GABRG1: variants seen among roughly 807,000 people sequenced by gnomAD.
GABRG1 encodes gamma-aminobutyric acid type A receptor subunit gamma1.
In GABRG1, 49 loss-of-function variants were observed where a neutral mutation model predicts 49.8. That is an observed-to-expected ratio of 0.98 (90% CI 0.78 to 1.25). The LOEUF is 1.25. Among genes scored for constraint, GABRG1 ranks in the 50% most tolerant of loss-of-function variants. The pLI is 0.00. For synonymous variants in GABRG1, 232 were observed against 185.1 expected (o/e 1.25, Z -2.06); for missense variants, 552 against 552.3 (o/e 1.00, Z 0.01).
At chr4:46,045,002 G>A (rs932114857) in intron 8 of GABRG1, among the ~76,000 whole-genome samples, 2 of 152,010 alleles carry the variant, frequency 1.3e-5, no homozygotes, top group Non-Finnish European at 2.9e-5. Context: ...GCAAACACAC[G>A]TATGAAAGTA....
At chr4:46,078,552 T>G (rs953233491) in intron 3 of GABRG1, among the ~76,000 whole-genome samples, 1 of 151,948 alleles carries the variant, frequency 6.6e-6, no homozygotes, top group African/African-American at 2.4e-5. Flanking sequence ...ACCAATTGCA[T>G]GAACCACCCT....
chr4:46,041,038 C>T lies in GABRG1; in HGVS notation c.1348G>A (p.Ala450Thr), dbSNP rs751385625. Residue 450 changes from alanine to threonine, a missense_variant, in exon 9 of 9, where the codon GCT becomes ACT. Transcript: ENST00000295452. ...DSYSRIFFPT[A>T]FALFNLVYWV... is the part of the protein sequence containing the mutation. ...TAAACCAAGTTGAACAGGGCAAAAG[C>T]GGTTGGGAAAAATATTCTAGAATAA... is the stretch of plus-strand genomic sequence containing the variant. 2.1e-5 allele frequency: 34 copies of T among 1,612,656 alleles called. No homozygotes were observed. The East Asian group carries it at 5.6e-4, about 26-fold the overall frequency.
At chr4:46,047,129 T>G (rs2109394387) in intron 8 of GABRG1, among the ~76,000 whole-genome samples, 1 of 152,236 alleles carries the variant, frequency 6.6e-6, no homozygotes, top group South Asian at 2.1e-4. Context: ...TATTGAGCAC[T>G]TGAAATGCGA....
At position 46,041,211 on chromosome 4, in the gene GABRG1, T is replaced by C. The variant is rs372867336; in HGVS notation, c.1175A>G (p.Asn392Ser). ...ATCTTCTTGCGGCACAGAAATATTA[T>C]TCATTGGAATCAGAGTGGATCCAGG... Reference protein sequence around the residue: ...LHPGSTLIPMNNISVPQEDDY... With the variant: ...LHPGSTLIPMSNISVPQEDDY... The change falls in exon 9 of 9, where the codon AAT becomes AGT. Residue 392 changes from asparagine to serine, a missense_variant. Physicochemically the swap from Asn to Ser is conservative, Grantham distance 46. Coordinates refer to ENST00000295452, the MANE Select transcript of GABRG1 (RefSeq NM_173536.4). 1.1e-5 allele frequency: 17 copies of C among 1,612,676 alleles called. No individual in the cohort carries two copies. The African/African-American group carries it at 1.7e-4, about 16-fold the overall frequency.
chr4:46,060,231 C>A (rs1278273312), intron 5 of GABRG1, among the ~76,000 whole-genome samples: 1 of 150,126 alleles, frequency 6.7e-6, no homozygotes, highest in Non-Finnish European at 1.5e-5. Flanking sequence ...TCAGGGGCAA[C>A]CTCCCTTTTA....
intron 1 of GABRG1, among the ~76,000 whole-genome samples, chr4:46,114,149 A>G (rs1285602984): frequency 6.6e-6 from 1 of 151,096 alleles, no homozygotes; most frequent in Admixed American, 6.6e-5. Flanking sequence ...TTTTCACTGT[A>G]CAAAAGCTAT....
chr4:46,106,026 G>A (rs1560372726), intron 1 of GABRG1, among the ~76,000 whole-genome samples: 1 of 150,956 alleles, frequency 6.6e-6, no homozygotes, highest in African/African-American at 2.4e-5. Context: ...GCACATTTGA[G>A]TATGACCACC....
At chr4:46,060,301 C>T (rs752267507) in intron 5 of GABRG1, among the ~76,000 whole-genome samples, 1 of 151,588 alleles carries the variant, frequency 6.6e-6, no homozygotes, top group African/African-American at 2.4e-5. Context: ...TAATTCTTCA[C>T]GTGATCTCAA....
chr4:46,084,392 T>C (rs947773756), intron 2 of GABRG1, among the ~76,000 whole-genome samples: 1 of 151,680 alleles, frequency 6.6e-6, no homozygotes, highest in Non-Finnish European at 1.5e-5. Flanking sequence ...CGAGTACTTA[T>C]CACTCATAAT....
At chr4:46,113,511 G>C (rs1432358788) in intron 1 of GABRG1, among the ~76,000 whole-genome samples, 1 of 150,860 alleles carries the variant, frequency 6.6e-6, no homozygotes, top group African/African-American at 2.4e-5. Flanking sequence ...ATTTGGCGGG[G>C]GGGACATGAA....
At chr4:46,104,879 G>A (rs1430255520) in intron 1 of GABRG1, among the ~76,000 whole-genome samples, 1 of 151,346 alleles carries the variant, frequency 6.6e-6, no homozygotes, top group Non-Finnish European at 1.5e-5. Flanking sequence ...ATGGTAATGT[G>A]GGATTTGTAC....
chr4:46,123,325 C>T (rs1721151949), intron 1 of GABRG1, among the ~76,000 whole-genome samples: 1 of 152,034 alleles, frequency 6.6e-6, no homozygotes, highest in African/African-American at 2.4e-5. Flanking sequence ...TGATGTAAAA[C>T]ACTGGTTTGT....
intron 3 of GABRG1, among the ~76,000 whole-genome samples, chr4:46,075,422 C>T (rs1163201385): frequency 6.6e-6 from 1 of 151,978 alleles, no homozygotes; most frequent in African/African-American, 2.4e-5. Context: ...TTTTGAACTC[C>T]TGAGCTCAGG....
At chr4:46,082,472 C>T (rs1461526555) in intron 3 of GABRG1, among the ~76,000 whole-genome samples, 2 of 151,780 alleles carry the variant, frequency 1.3e-5, no homozygotes, top group African/African-American at 2.4e-5. Flanking sequence ...GACTACATCA[C>T]TATCCCTGCA....
At chr4:46,101,787 T>C (rs1720388345) in intron 1 of GABRG1, among the ~76,000 whole-genome samples, 1 of 151,688 alleles carries the variant, frequency 6.6e-6, no homozygotes, top group South Asian at 2.1e-4. Context: ...TACACATCTA[T>C]TGCTTGTTAA....
chr4:46,066,045 A>G (rs1172253878), intron 3 of GABRG1, among the ~76,000 whole-genome samples: 2 of 152,108 alleles, frequency 1.3e-5, no homozygotes, highest in Non-Finnish European at 2.9e-5. Flanking sequence ...TGTTTGCATG[A>G]GTCATGTAAA....
Position 46,058,275 on chromosome 4 carries a change from A to T in GABRG1, c.858T>A (p.Val286=), listed in dbSNP as rs1209432393. ...QTYIPCILTV[V]LSWVSFWINK... is the part of the protein sequence containing the mutation. ...TGATCCAAAAAGACACCCAAGAAAG[A>T]ACAACTGTCAGAATGCATGGAATGT... The change falls in exon 7 of 9, where the codon GTT becomes GTA. Residue 286 remains valine (V), a synonymous_variant. Coordinates refer to ENST00000295452, the MANE Select transcript of GABRG1 (RefSeq NM_173536.4). The T allele has an allele frequency of 6.2e-7, 1 of 1,613,338 alleles. No homozygotes were observed. The highest frequency in any genetic ancestry group is 2.2e-5 in the East Asian group (1 of 44,812).
At chr4:46,044,603 G>A (rs1577627288) in intron 8 of GABRG1, among the ~76,000 whole-genome samples, 1 of 152,092 alleles carries the variant, frequency 6.6e-6, no homozygotes, top group Non-Finnish European at 1.5e-5. Context: ...AATGGATAAA[G>A]CAGACCAAAA....
At chr4:46,098,830 A>G (rs1720278075) in intron 1 of GABRG1, among the ~76,000 whole-genome samples, 1 of 151,662 alleles carries the variant, frequency 6.6e-6, no homozygotes, top group African/African-American at 2.4e-5. Context: ...TCTGCTTTGT[A>G]GGCTCTCTGT....
Sources: gnomAD v4.1 joint callset for allele counts (sites outside exome capture counted in the v4.1 genomes callset) on GRCh38, gnomAD v4.1.1 for gene constraint, MANE v1.5 for transcripts, NCBI Gene and HGNC (gene_info 2026-07-23, HGNC 2026-07-21) for gene names.